Variants in KCNH8 observed in about 807,000 individuals in gnomAD.
KCNH8 encodes voltage-gated delayed rectifier potassium channel KCNH8.
Under a neutral mutation model 103.6 loss-of-function variants are expected in KCNH8, and 70 were observed. The observed-to-expected ratio is 0.68, with a 90% confidence interval of 0.56 to 0.82. KCNH8 has a LOEUF of 0.82. Among genes scored for constraint, KCNH8 ranks in the 40% least tolerant of loss-of-function variants. The pLI, the probability that KCNH8 is intolerant of heterozygous loss-of-function variation, is 0.00. For missense variants in KCNH8, 1,217 were observed against 1,329.9 expected, an observed-to-expected ratio of 0.92 and a Z score of 1.32; for synonymous variants, 498 against 489.4, an observed-to-expected ratio of 1.02 and a Z score of -0.23.
chr3:19,421,816 T>A (rs963262719), intron 7 of KCNH8, among the ~76,000 whole-genome samples: 1 of 152,112 alleles, frequency 6.6e-6, no homozygotes, highest in African/African-American at 2.4e-5. Flanking sequence ...TAAGTCTAAT[T>A]TTTTAAAAAT....
chr3:19,478,704 C>T (rs1294511722), intron 11 of KCNH8, among the ~76,000 whole-genome samples: 1 of 152,106 alleles, frequency 6.6e-6, no homozygotes, highest in Non-Finnish European at 1.5e-5. Context: ...ATTGCCATCA[C>T]TTTTGAGAAG....
At chr3:19,305,299 A>G (rs1316459912) in intron 3 of KCNH8, among the ~76,000 whole-genome samples, 1 of 152,160 alleles carries the variant, frequency 6.6e-6, no homozygotes, top group Non-Finnish European at 1.5e-5. Context: ...CAGACATGAA[A>G]CGTCTCTAAA....
chr3:19,504,610 G>A (rs1001664456), intron 11 of KCNH8, among the ~76,000 whole-genome samples: 9 of 152,092 alleles, frequency 5.9e-5, no homozygotes, highest in Non-Finnish European at 1.3e-4. Context: ...TTAGAGAAAT[G>A]CAAATCAAAA....
At position 19,534,350 on chromosome 3, in the gene KCNH8, C is replaced by G. The variant is rs994868382; in HGVS notation, c.*251C>G. 2.4e-5 allele frequency: 12 copies of G among 501,712 alleles called. No homozygotes were observed. Among genetic ancestry groups the G allele is most frequent in the African/African-American group, 1.7e-4 (9 of 51,932 alleles). 31.1% of individuals were successfully genotyped at this position (501,712 alleles called of 1,614,324 possible). A position where few individuals can be genotyped will look rare whatever the true frequency, so the allele number is the denominator to read the frequency against. On this transcript the variant is annotated 3_prime_UTR_variant, in exon 16 of 16. Coordinates refer to ENST00000328405, the MANE Select transcript of KCNH8 (RefSeq NM_144633.3). ...TGGTCTGTTTGACAGACTTTGGTAACAATCCAAAGACCCTGAGGGTCTGAG... is the reference window on the plus strand; with the variant it reads ...TGGTCTGTTTGACAGACTTTGGTAAGAATCCAAAGACCCTGAGGGTCTGAG...
At chr3:19,385,001 A>G (rs1159757358) in intron 5 of KCNH8, among the ~76,000 whole-genome samples, 2 of 152,046 alleles carry the variant, frequency 1.3e-5, no homozygotes, top group African/African-American at 4.8e-5. Flanking sequence ...AGAGAGTATC[A>G]TCGGGCCTAT....
chr3:19,156,986 A>ATT lies in KCNH8; in HGVS notation c.76+8191_76+8192insTT, dbSNP rs1559400830. On this transcript the variant is annotated intron_variant, in intron 1 of 15. Transcript: ENST00000328405. ...TAAAGCTTTTTTTTTTTTTTTTAAA[A>ATT]AAAAGGTTTTCTTTTGTTCTATTAA... Among the ~76,000 whole-genome samples, 380 of 146,524 alleles carry ATT rather than the reference A, an allele frequency of 2.6e-3. 3 individuals carry two copies. Among genetic ancestry groups the ATT allele is most frequent in the African/African-American group, 9.2e-3 (337 of 36,670 alleles).
chr3:19,364,074 C>G (rs551595414), intron 5 of KCNH8, among the ~76,000 whole-genome samples: 1 of 152,142 alleles, frequency 6.6e-6, no homozygotes, highest in East Asian at 1.9e-4. Context: ...TAGTGTTTGG[C>G]TCCCTCTCTC....
intron 1 of KCNH8, among the ~76,000 whole-genome samples, chr3:19,214,458 C>A (rs148275399): frequency 2.5e-4 from 38 of 152,262 alleles, no homozygotes; most frequent in Admixed American, 7.2e-4. Context: ...TTCCTCCTCT[C>A]CCACCTATGG....
At chr3:19,509,543 A>C (rs977891226) in intron 11 of KCNH8, among the ~76,000 whole-genome samples, 1 of 152,220 alleles carries the variant, frequency 6.6e-6, no homozygotes, top group African/African-American at 2.4e-5. Flanking sequence ...GCATGTTTTT[A>C]AGATATTCCT....
chr3:19,494,846 G>A (rs191005089), intron 11 of KCNH8, among the ~76,000 whole-genome samples: 50 of 151,556 alleles, frequency 3.3e-4, no homozygotes, highest in Non-Finnish European at 6.2e-4. Flanking sequence ...CTTTTCCCCC[G>A]TAACCTTGCT....
intron 3 of KCNH8, among the ~76,000 whole-genome samples, chr3:19,307,606 A>G (rs1485081787): frequency 1.3e-5 from 2 of 152,038 alleles, no homozygotes; most frequent in African/African-American, 4.8e-5. Flanking sequence ...TTATTGCCGT[A>G]GTATTCATAT....
chr3:19,238,321 A>G (rs941985727), intron 1 of KCNH8, among the ~76,000 whole-genome samples: 1 of 152,204 alleles, frequency 6.6e-6, no homozygotes, highest in Non-Finnish European at 1.5e-5. Context: ...AACCTAGAAT[A>G]AGAGTGCTCT....
intron 7 of KCNH8, among the ~76,000 whole-genome samples, chr3:19,417,446 C>T (rs950392442): frequency 2.0e-5 from 3 of 151,432 alleles, no homozygotes; most frequent in Non-Finnish European, 2.9e-5. Flanking sequence ...TTACTCTGGA[C>T]CTTATTCTTG....
At chr3:19,425,976 C>G (rs1286516135) in intron 7 of KCNH8, among the ~76,000 whole-genome samples, 2 of 152,112 alleles carry the variant, frequency 1.3e-5, no homozygotes, top group Admixed American at 6.6e-5. Context: ...GGAGAAGCAA[C>G]AGAGGCAGAT....
At chr3:19,336,981 C>CT in intron 3 of KCNH8, among the ~76,000 whole-genome samples, 1 of 152,088 alleles carries the variant, frequency 6.6e-6, no homozygotes, top group Non-Finnish European at 1.5e-5. Context: ...ATAGAAGACC[C>CT]TTTCTAGCAG....
intron 1 of KCNH8, among the ~76,000 whole-genome samples, chr3:19,171,769 G>A (rs1436623771): frequency 2.0e-5 from 3 of 152,190 alleles, no homozygotes; most frequent in Admixed American, 2.0e-4. Flanking sequence ...AATCCAGAGT[G>A]AGACATGGCC....
At chr3:19,197,273 AAC>A (rs1235301409) in intron 1 of KCNH8, among the ~76,000 whole-genome samples, 1 of 152,044 alleles carries the variant, frequency 6.6e-6, no homozygotes, top group Non-Finnish European at 1.5e-5. Flanking sequence ...TCTCACAAGC[AAC>A]ACACCTTATT....
chr3:19,487,320 G>A (rs2068231349), intron 11 of KCNH8, among the ~76,000 whole-genome samples: 1 of 152,186 alleles, frequency 6.6e-6, no homozygotes, highest in African/African-American at 2.4e-5. Flanking sequence ...AATGTGTAAC[G>A]GTTAGGAACT....
intron 7 of KCNH8, among the ~76,000 whole-genome samples, chr3:19,399,968 C>T (rs753726788): frequency 6.6e-5 from 10 of 151,866 alleles, no homozygotes; most frequent in Non-Finnish European, 1.2e-4. Flanking sequence ...TCAATTGTGA[C>T]ATTTCACAAG....
Sources: gnomAD v4.1 joint callset for allele counts (sites outside exome capture counted in the v4.1 genomes callset) on GRCh38, gnomAD v4.1.1 for gene constraint, MANE v1.5 for transcripts, NCBI Gene and HGNC (gene_info 2026-07-23, HGNC 2026-07-21) for gene names.